Variants in TAFA1 observed in about 807,000 individuals in gnomAD.
TAFA1 encodes chemokine-like protein TAFA-1.
TAFA1 carries 4 observed loss-of-function variants against 18.5 expected under a neutral mutation model. The ratio of observed to expected loss-of-function variants is 0.22; its 90% CI spans 0.11 to 0.49. The LOEUF (loss-of-function observed/expected upper bound fraction) is 0.49, where lower values mean the gene tolerates loss of function less well. Among genes scored for constraint, TAFA1 ranks in the 20% least tolerant of loss-of-function variants. The probability of loss-of-function intolerance (pLI) is 0.98; values close to 1 mark genes in which losing one functional copy is unlikely to be tolerated. For missense variants in TAFA1, 147 were observed against 169.0 expected (o/e 0.87, Z 0.72); for synonymous variants, 56 against 55.2 (o/e 1.01, Z -0.06).
chr3:68,461,377 A>ATATATATATATATATATG (rs1337466211), intron 3 of TAFA1, among the ~76,000 whole-genome samples: 2 of 142,028 alleles, frequency 1.4e-5, no homozygotes, highest in African/African-American at 5.5e-5. Context: ...ATATATATAT[A>ATATATATATATATATATG]TATGTATGTA....
At chr3:68,156,560 A>G (rs1364483380) in intron 2 of TAFA1, among the ~76,000 whole-genome samples, 1 of 152,150 alleles carries the variant, frequency 6.6e-6, no homozygotes, top group Non-Finnish European at 1.5e-5. Flanking sequence ...AAATGCATAA[A>G]CATTGCTCAG....
At chr3:68,494,299 A>G (rs2072504277) in intron 3 of TAFA1, among the ~76,000 whole-genome samples, 1 of 151,912 alleles carries the variant, frequency 6.6e-6, no homozygotes, top group Non-Finnish European at 1.5e-5. Flanking sequence ...GTCACTTAAA[A>G]CCTTGGTGAT....
At chr3:68,156,044 A>G (rs779750646) in intron 2 of TAFA1, among the ~76,000 whole-genome samples, 2 of 151,872 alleles carry the variant, frequency 1.3e-5, no homozygotes, top group Non-Finnish European at 2.9e-5. Flanking sequence ...GGTCAAGCAG[A>G]CTGTATTTGG....
chr3:68,485,531 G>A (rs1017586916), intron 3 of TAFA1, among the ~76,000 whole-genome samples: 16 of 152,100 alleles, frequency 1.1e-4, no homozygotes, highest in Admixed American at 1.3e-4. Context: ...TTTACTCACC[G>A]TATTTACCAG....
In TAFA1 at chr3:68,191,040, G is replaced by A. The variant is rs1194274021; in HGVS notation, c.118+184296G>A. On this transcript the variant is annotated intron_variant, in intron 2 of 4. Transcript: ENST00000478136. ...CGTAGCTTGTGAAATTCAGATATTT[G>A]GATTCAGCTGGTCTTGGGTGGGGAC... Among the ~76,000 whole-genome samples, 4 of 151,670 alleles carry A rather than the reference G, an allele frequency of 2.6e-5. No individual in the cohort carries two copies. The East Asian group carries it at 5.9e-4, about 22-fold the overall frequency.
rs573777975 is a variant in TAFA1, at chr3:68,296,776, G to A, written c.119-120504G>A. On this transcript the variant is annotated intron_variant, in intron 2 of 4. Transcript: ENST00000478136. ...TGTGCTAGGTGCTTGGGTTACAATG[G>A]TGAAAAGATACAGACATGGCTGCTA... is the stretch of plus-strand genomic sequence containing the variant. Among the ~76,000 whole-genome samples, 10 of 152,250 alleles carry A rather than the reference G, an allele frequency of 6.6e-5. No individual in the cohort carries two copies. The South Asian group carries it at 1.5e-3, about 22-fold the overall frequency.
intron 2 of TAFA1, among the ~76,000 whole-genome samples, chr3:68,215,317 T>A (rs922441634): frequency 6.6e-6 from 1 of 152,096 alleles, no homozygotes; most frequent in Admixed American, 6.6e-5. Flanking sequence ...CAATCTAAGC[T>A]GAAATTTAGG....
chr3:68,383,339 A>G (rs1424974614), intron 2 of TAFA1, among the ~76,000 whole-genome samples: 1 of 152,010 alleles, frequency 6.6e-6, no homozygotes, highest in African/African-American at 2.4e-5. Flanking sequence ...GATGGCTCTT[A>G]TTATTTTGAG....
chr3:68,098,530 C>A (rs547332741), intron 2 of TAFA1, among the ~76,000 whole-genome samples: 1 of 152,182 alleles, frequency 6.6e-6, no homozygotes, highest in Non-Finnish European at 1.5e-5. Flanking sequence ...ATTTAGTGGC[C>A]TCTGGTGATA....
At chr3:68,212,473 C>A (rs1213852821) in intron 2 of TAFA1, among the ~76,000 whole-genome samples, 1 of 151,872 alleles carries the variant, frequency 6.6e-6, no homozygotes, top group African/African-American at 2.4e-5. Flanking sequence ...TCTTTGTTCC[C>A]CTTTTTGTCT....
chr3:68,096,439 G>A (rs1316919267), intron 2 of TAFA1, among the ~76,000 whole-genome samples: 1 of 152,130 alleles, frequency 6.6e-6, no homozygotes, highest in African/African-American at 2.4e-5. Context: ...TCAGGAAACT[G>A]GTGTCAGAGA....
chr3:68,505,040 C>G (rs2072723592), intron 3 of TAFA1, among the ~76,000 whole-genome samples: 1 of 152,062 alleles, frequency 6.6e-6, no homozygotes, highest in Non-Finnish European at 1.5e-5. Context: ...TAAGCAGACA[C>G]CAAAGATCAA....
intron 2 of TAFA1, among the ~76,000 whole-genome samples, chr3:68,038,529 G>C (rs556300766): frequency 6.6e-6 from 1 of 152,254 alleles, no homozygotes; most frequent in South Asian, 2.1e-4. Flanking sequence ...CACAGAGCCC[G>C]AACTCTAGCA....
chr3:68,501,082 G>A (rs1302055183), intron 3 of TAFA1, among the ~76,000 whole-genome samples: 1 of 149,214 alleles, frequency 6.7e-6, no homozygotes, highest in East Asian at 2.0e-4. Flanking sequence ...TTGAATCCAG[G>A]AGGAAGAGGT....
At chr3:68,305,880 T>C (rs1217915689) in intron 2 of TAFA1, among the ~76,000 whole-genome samples, 1 of 152,188 alleles carries the variant, frequency 6.6e-6, no homozygotes, top group Non-Finnish European at 1.5e-5. Context: ...TTTCTTCATG[T>C]AAAATGGACA....
intron 2 of TAFA1, among the ~76,000 whole-genome samples, chr3:68,231,344 A>ATTTTTTTTTTTTTTTTTTTTTTTTTTTTT (rs1175174572): frequency 1.3e-5 from 1 of 79,852 alleles, no homozygotes. Flanking sequence ...AATCTATTTG[A>ATTTTTTTTTTTTTTTTTTTTTTTTTTTTT]TTTTTTTTTT....
intron 2 of TAFA1, among the ~76,000 whole-genome samples, chr3:68,320,064 A>G (rs574048553): frequency 7.9e-5 from 12 of 152,220 alleles, no homozygotes; most frequent in Non-Finnish European, 1.6e-4. Context: ...TATATATAAT[A>G]TTTACATTTA....
intron 3 of TAFA1, among the ~76,000 whole-genome samples, chr3:68,458,559 G>T (rs1478800451): frequency 6.6e-6 from 1 of 152,102 alleles, no homozygotes; most frequent in Non-Finnish European, 1.5e-5. Context: ...CATCAACTCA[G>T]AATCCAGTAC....
chr3:68,263,435 C>CCACA (rs1273459888), intron 2 of TAFA1, among the ~76,000 whole-genome samples: 51 of 86,632 alleles, frequency 5.9e-4, no homozygotes, highest in African/African-American at 2.4e-3. Context: ...GATACTTTAA[C>CCACA]CACACACACA....
Sources: allele counts gnomAD v4.1 joint callset (sites outside exome capture counted in the v4.1 genomes callset), GRCh38; gene constraint gnomAD v4.1.1; transcripts MANE v1.5; gene names NCBI Gene and HGNC (gene_info 2026-07-23, HGNC 2026-07-21).